PBX1: variants seen among roughly 807,000 people sequenced by gnomAD.
The protein encoded by PBX1 is PBX homeobox 1.
PBX1 carries 6 observed loss-of-function variants against 53.4 expected under a neutral mutation model. The observed-to-expected ratio is 0.11, with a 90% CI of 0.06 to 0.22. The LOEUF is 0.22. Ranked by LOEUF, PBX1 falls within the 10% of genes least tolerant of loss-of-function variation. The probability of loss-of-function intolerance (pLI) is 1.00; values close to 1 mark genes in which losing one functional copy is unlikely to be tolerated. For synonymous variants in PBX1, 204 were observed against 212.3 expected, an observed-to-expected ratio of 0.96 and a Z score of 0.34; for missense variants, 251 against 551.4, an observed-to-expected ratio of 0.46 and a Z score of 5.46.
In PBX1 at chr1:164,820,765, G is replaced by A. The variant is rs182199927; in HGVS notation, c.1110+581G>A. ...AAGCCATGTGATATCAAATTTTAGT[G>A]TTCCATAGTAAGCAGATTTCCTTCA... is the stretch of plus-strand genomic sequence containing the variant. On this transcript the variant is annotated intron_variant, in intron 7 of 8. Coordinates refer to ENST00000420696, the MANE Select transcript of PBX1 (RefSeq NM_002585.4). Among the ~76,000 whole-genome samples the A allele has an allele frequency of 1.5e-3, 223 of 152,262 alleles. 1 individual carries two copies. The highest frequency in any genetic ancestry group is 3.4e-3 in the Middle Eastern group (1 of 294).
At chr1:164,740,366 A>G (rs1193428760) in intron 2 of PBX1, among the ~76,000 whole-genome samples, 1 of 151,370 alleles carries the variant, frequency 6.6e-6, no homozygotes, top group Non-Finnish European at 1.5e-5. Flanking sequence ...TATGGAAAAA[A>G]TAAAAAAAAA....
intron 2 of PBX1, among the ~76,000 whole-genome samples, chr1:164,757,004 T>C (rs781259185): frequency 6.6e-6 from 1 of 152,156 alleles, no homozygotes; most frequent in Non-Finnish European, 1.5e-5. Context: ...GCTGAGGAAG[T>C]AGAAGTGGTA....
Position 164,577,703 on chromosome 1 carries a change from T to TA in PBX1, c.265+14392_265+14393insA, listed in dbSNP as rs1282654175. On this transcript the variant is annotated intron_variant, in intron 2 of 8. Transcript: ENST00000420696. Reference sequence around the variant, plus strand: ...GACGGTCCAGAAACTTTCTATTGAATGAATGTGGGAGAGCTAGAAGTCAGG... The same window carrying TA: ...GACGGTCCAGAAACTTTCTATTGAATAGAATGTGGGAGAGCTAGAAGTCAGG... Among the ~76,000 whole-genome samples, 126 of 152,320 alleles carry TA rather than the reference T, an allele frequency of 8.3e-4. 1 individual carries two copies. The highest frequency in any genetic ancestry group is 8.8e-5 in the Non-Finnish European group (6 of 68,030).
intron 2 of PBX1, among the ~76,000 whole-genome samples, chr1:164,624,247 A>G (rs1196777817): frequency 6.6e-6 from 1 of 152,228 alleles, no homozygotes; most frequent in Non-Finnish European, 1.5e-5. Flanking sequence ...TGCAATTTGT[A>G]ATGGGAGAGG....
At chr1:164,883,678 C>A (rs751916050) in intron 2 of PBX1, among the ~76,000 whole-genome samples, 2 of 152,086 alleles carry the variant, frequency 1.3e-5, no homozygotes, top group Non-Finnish European at 2.9e-5. Flanking sequence ...CATTCTCTTT[C>A]TCTCTTCTTT....
Position 164,559,584 on chromosome 1 carries a change from C to T in PBX1, c.-239C>T. On this transcript the variant is annotated 5_prime_UTR_variant, in exon 1 of 9. Coordinates refer to ENST00000420696, the MANE Select transcript of PBX1 (RefSeq NM_002585.4). Reference sequence around the variant, plus strand: ...AACACCCTTCCCCACCAGCCCTTATCCCCACCCTCACCCCGCAACCCCTTC... The same window carrying T: ...AACACCCTTCCCCACCAGCCCTTATTCCCACCCTCACCCCGCAACCCCTTC... 2.5e-6 allele frequency: 1 copy of T among 401,680 alleles called. No individual in the cohort carries two copies. Among genetic ancestry groups the T allele is most frequent in the Non-Finnish European group, 4.4e-6 (1 of 228,450 alleles). 24.9% of individuals were successfully genotyped at this position (401,680 alleles called of 1,614,324 possible).
chr1:164,695,108 T>G (rs764301340), intron 2 of PBX1, among the ~76,000 whole-genome samples: 2 of 152,248 alleles, frequency 1.3e-5, no homozygotes, highest in Non-Finnish European at 2.9e-5. Context: ...ATTTTGATAT[T>G]AATAATGGTT....
chr1:164,869,190 GC>G (rs1325835300), intron 2 of PBX1, among the ~76,000 whole-genome samples: 1 of 152,148 alleles, frequency 6.6e-6, no homozygotes, highest in African/African-American at 2.4e-5. Flanking sequence ...CCCTGAACAT[GC>G]CCGATCTCGT....
intron 2 of PBX1, among the ~76,000 whole-genome samples, chr1:164,723,432 G>A (rs1664515365): frequency 6.6e-6 from 1 of 152,190 alleles, no homozygotes; most frequent in Non-Finnish European, 1.5e-5. Flanking sequence ...TGTGCTTGGA[G>A]CATTGGCAGT....
chr1:164,602,847 G>T (rs1022321458), intron 2 of PBX1, among the ~76,000 whole-genome samples: 1 of 152,092 alleles, frequency 6.6e-6, no homozygotes, highest in African/African-American at 2.4e-5. Context: ...AATGTTTGCC[G>T]TTAAACGGTT....
chr1:164,695,006 A>G lies in PBX1; in HGVS notation c.266-97488A>G, dbSNP rs370444601. Among the ~76,000 whole-genome samples, 5 of 152,222 alleles carry G rather than the reference A, an allele frequency of 3.3e-5. No individual in the cohort carries two copies. The East Asian group carries it at 9.7e-4, about 29-fold the overall frequency. ...AACCTGCTTGCTATACCCTTATTCAAAATTCTTTGATGGAGGTCCCATTGT... is the reference window on the plus strand; with the variant it reads ...AACCTGCTTGCTATACCCTTATTCAGAATTCTTTGATGGAGGTCCCATTGT... On this transcript the variant is annotated intron_variant, in intron 2 of 8. Transcript: ENST00000420696.
chr1:164,592,935 T>G (rs934233236), intron 2 of PBX1, among the ~76,000 whole-genome samples: 1 of 152,014 alleles, frequency 6.6e-6, no homozygotes, highest in African/African-American at 2.4e-5. Context: ...AGCATTTGTA[T>G]GTAGCACACA....
At chr1:164,598,788 A>G (rs2101793427) in intron 2 of PBX1, among the ~76,000 whole-genome samples, 1 of 152,310 alleles carries the variant, frequency 6.6e-6, no homozygotes, top group Non-Finnish European at 1.5e-5. Flanking sequence ...ATAGCTTGAC[A>G]TTGTGTCATA....
At chr1:164,796,892 C>T (rs1465180777) in intron 3 of PBX1, among the ~76,000 whole-genome samples, 1 of 152,220 alleles carries the variant, frequency 6.6e-6, no homozygotes, top group Non-Finnish European at 1.5e-5. Context: ...ACATTACTGT[C>T]ACATTGTGAG....
chr1:164,656,597 A>G (rs1660181226), intron 2 of PBX1, among the ~76,000 whole-genome samples: 1 of 152,104 alleles, frequency 6.6e-6, no homozygotes, highest in South Asian at 2.1e-4. Context: ...TGGCTAACAC[A>G]TGGTGTGCAT....
At chr1:164,742,118 A>C (rs185907306) in intron 2 of PBX1, among the ~76,000 whole-genome samples, 2 of 152,268 alleles carry the variant, frequency 1.3e-5, no homozygotes, top group East Asian at 3.9e-4. Flanking sequence ...CCTCTTGAGA[A>C]ACTGCAGATT....
At chr1:164,598,559 A>T (rs572611474) in intron 2 of PBX1, among the ~76,000 whole-genome samples, 16 of 152,292 alleles carry the variant, frequency 1.1e-4, no homozygotes, top group Admixed American at 3.9e-4. Context: ...TCTGAGGAAC[A>T]TACTAGTGTT....
intron 2 of PBX1, among the ~76,000 whole-genome samples, chr1:164,884,903 A>T: frequency 6.6e-6 from 1 of 152,228 alleles, no homozygotes; most frequent in East Asian, 1.9e-4. Flanking sequence ...TATATATGAC[A>T]ACCTCTAAAT....
chr1:164,800,681 A>G (rs1336180860), intron 4 of PBX1, among the ~76,000 whole-genome samples: 1 of 152,210 alleles, frequency 6.6e-6, no homozygotes, highest in Non-Finnish European at 1.5e-5. Flanking sequence ...CATATCTTTC[A>G]TCTACTCTAG....
Sources: gnomAD v4.1 joint callset for allele counts (sites outside exome capture counted in the v4.1 genomes callset) on GRCh38, gnomAD v4.1.1 for gene constraint, MANE v1.5 for transcripts, NCBI Gene and HGNC (gene_info 2026-07-23, HGNC 2026-07-21) for gene names.